Variants in BTG1 observed in about 807,000 individuals in gnomAD.
BTG1 encodes the protein protein BTG1.
In BTG1, 2 loss-of-function variants were observed where a neutral mutation model predicts 15.2. That is an observed-to-expected ratio of 0.13 (90% CI 0.05 to 0.41). The LOEUF is 0.41. Ranked by LOEUF, BTG1 falls within the 10% of genes least tolerant of loss-of-function variation. The probability of loss-of-function intolerance (pLI) is 0.99; values close to 1 mark genes in which losing one functional copy is unlikely to be tolerated. For missense variants in BTG1, 149 were observed against 215.0 expected (o/e 0.69, Z 1.92); for synonymous variants, 109 against 82.4 (o/e 1.32, Z -1.75).
In BTG1 at chr12:92,143,546, A is replaced by G. The variant is rs767770478; in HGVS notation, c.*534T>C. On this transcript the variant is annotated 3_prime_UTR_variant, in exon 2 of 2. Transcript: ENST00000256015. ...CAAAAACACAATACAAGGTCTGACC[A>G]TTTCCCCAGGTCATGCTTACTAGTT... 4.3e-6 allele frequency: 1 copy of G among 235,110 alleles called. No homozygotes were observed. The highest frequency in any genetic ancestry group is 8.4e-6 in the Non-Finnish European group (1 of 119,060). The allele number at this position is 235,110 out of a possible 1,614,324, so 14.6% of individuals were successfully genotyped here.
chr12:92,143,140 A>G lies in BTG1; in HGVS notation c.*940T>C. The stretch of plus-strand genomic sequence containing the variant: ...AAGAGATTGATTAAAATGCCAAGAT[A>G]AGAAACGATTTATTATAGAGAGAAG... On this transcript the variant is annotated 3_prime_UTR_variant, in exon 2 of 2. Coordinates refer to ENST00000256015, the MANE Select transcript of BTG1 (RefSeq NM_001731.3). 4.3e-6 allele frequency: 1 copy of G among 232,894 alleles called. No individual in the cohort carries two copies. The highest frequency in any genetic ancestry group is 8.5e-6 in the Non-Finnish European group (1 of 117,698). 14.4% of individuals were successfully genotyped at this position (232,894 alleles called of 1,614,324 possible).
intron 1 of BTG1, 42 bp downstream of exon 1, chr12:92,145,346 G>A (rs1340887056): frequency 2.7e-6 from 4 of 1,501,040 alleles, no homozygotes; most frequent in African/African-American, 1.4e-5. Context: ...CTGACCCAGG[G>A]ATGTGGGGCC....
rs1197278141 is a variant in BTG1 at position 92,140,883 on chromosome 12, C to T, written c.*3197G>A. 8.6e-6 allele frequency: 2 copies of T among 232,450 alleles called. No individual in the cohort carries two copies. The highest frequency in any genetic ancestry group is 1.7e-5 in the Non-Finnish European group (2 of 117,672). 14.4% of individuals were successfully genotyped at this position (232,450 alleles called of 1,614,324 possible). A position where few individuals can be genotyped will look rare whatever the true frequency, so the allele number is the denominator to read the frequency against. ...GACAAATGTTCTCCATATAGCCTAT[C>T]AAGAGGATTTTATCACATCATTTGA... On this transcript the variant is annotated 3_prime_UTR_variant, in exon 2 of 2. Transcript: ENST00000256015.
rs1311994745 is a variant in BTG1, at chr12:92,143,768, C to CTT, written c.*310_*311dup. 3.2e-6 allele frequency: 1 copy of CTT among 309,448 alleles called. No individual in the cohort carries two copies. 19.2% of individuals were successfully genotyped at this position (309,448 alleles called of 1,614,324 possible). On this transcript the variant is annotated 3_prime_UTR_variant, in exon 2 of 2. Coordinates refer to ENST00000256015, the MANE Select transcript of BTG1 (RefSeq NM_001731.3). ...AAAGATTCTTTGAAATACAGATTTT[C>CTT]TTTAAAAGGATTGATGTAAAAATTT... is the stretch of plus-strand genomic sequence containing the variant.
At position 92,144,201 on chromosome 12, in the gene BTG1, C is replaced by T; in HGVS notation, c.395G>A (p.Gly132Asp). 2 of 1,614,188 alleles carry T rather than the reference C, an allele frequency of 1.2e-6. No individual in the cohort carries two copies. ...CVLYEASPAG[G>D]STQNSTNVQM... ...CACGTTGGTGCTGTTTTGAGTGCTA[C>T]CTCCTGCTGGTGAGGCTTCATACAG... The change falls in exon 2 of 2, where the codon GGT becomes GAT. Residue 132 changes from glycine to aspartate, a missense_variant. This residue lies in a region of BTG1 where 52 missense variants were observed against 57.4 expected (regional missense o/e 0.91). Coordinates refer to ENST00000256015, the MANE Select transcript of BTG1 (RefSeq NM_001731.3).
rs892023513 is a variant in BTG1, at chr12:92,142,197, G to C, written c.*1883C>G. 1 of 232,020 alleles carries C rather than the reference G, an allele frequency of 4.3e-6. No homozygotes were observed. The highest frequency in any genetic ancestry group is 2.2e-5 in the African/African-American group (1 of 45,268). The allele number at this position is 232,020 out of a possible 1,614,324, so 14.4% of individuals were successfully genotyped here. A position where few individuals can be genotyped will look rare whatever the true frequency, so the allele number is the denominator to read the frequency against. ...TGTACTCTAAATACCTGCATATTCA[G>C]TGGCCTATTCCTGTGTTGTCTACAA... On this transcript the variant is annotated 3_prime_UTR_variant, in exon 2 of 2. Transcript: ENST00000256015.
rs1190360247 is a variant in BTG1, at chr12:92,143,611, A to G, written c.*469T>C. The G allele has an allele frequency of 7.0e-5, 17 of 243,058 alleles. 1 individual carries two copies. The highest frequency in any genetic ancestry group is 1.7e-4 in the Admixed American group (3 of 17,956). 15.1% of individuals were successfully genotyped at this position (243,058 alleles called of 1,614,324 possible). ...TTTATACATATTTAAGTGCTAGGTA[A>G]AAGTCTTGTAAAATTTCCAGTACTA... is the stretch of plus-strand genomic sequence containing the variant. On this transcript the variant is annotated 3_prime_UTR_variant, in exon 2 of 2. Transcript: ENST00000256015.
rs1243298083 is a variant in BTG1, at chr12:92,141,933, A to G, written c.*2147T>C. 2 of 232,322 alleles carry G rather than the reference A, an allele frequency of 8.6e-6. No individual in the cohort carries two copies. The highest frequency in any genetic ancestry group is 1.7e-5 in the Non-Finnish European group (2 of 117,544). The allele number at this position is 232,322 out of a possible 1,614,324, so 14.4% of individuals were successfully genotyped here. A position where few individuals can be genotyped will look rare whatever the true frequency, so the allele number is the denominator to read the frequency against. On this transcript the variant is annotated 3_prime_UTR_variant, in exon 2 of 2. Coordinates refer to ENST00000256015, the MANE Select transcript of BTG1 (RefSeq NM_001731.3). ...AAAATGGTTGAGGTACTTAGTTTCAATGGAGTTACCAGATGAAATGTAGTT... is the reference window on the plus strand; with the variant it reads ...AAAATGGTTGAGGTACTTAGTTTCAGTGGAGTTACCAGATGAAATGTAGTT...
Position 92,143,672 on chromosome 12 carries a change from T to C in BTG1, c.*408A>G, listed in dbSNP as rs542192832. 7.7e-6 allele frequency: 2 copies of C among 258,696 alleles called. No homozygotes were observed. The highest frequency in any genetic ancestry group is 2.1e-4 in the South Asian group (2 of 9,714). The allele number at this position is 258,696 out of a possible 1,614,324, so 16.0% of individuals were successfully genotyped here. Reference sequence around the variant, plus strand: ...AACGTTTAACTTTCCTATTAAAAGCTGCCGAAAAGGTTAACAATAACAACT... The same window carrying C: ...AACGTTTAACTTTCCTATTAAAAGCCGCCGAAAAGGTTAACAATAACAACT... On this transcript the variant is annotated 3_prime_UTR_variant, in exon 2 of 2. Coordinates refer to ENST00000256015, the MANE Select transcript of BTG1 (RefSeq NM_001731.3).
At position 92,142,220 on chromosome 12, in the gene BTG1, C is replaced by T. The variant is rs1565853697; in HGVS notation, c.*1860G>A. 1 of 231,610 alleles carries T rather than the reference C, an allele frequency of 4.3e-6. No homozygotes were observed. Among genetic ancestry groups the T allele is most frequent in the Non-Finnish European group, 8.5e-6 (1 of 117,142 alleles). 14.3% of individuals were successfully genotyped at this position (231,610 alleles called of 1,614,324 possible). On this transcript the variant is annotated 3_prime_UTR_variant, in exon 2 of 2. Transcript: ENST00000256015. Reference sequence around the variant, plus strand: ...CAGTGGCCTATTCCTGTGTTGTCTACAAAATCAGAATAATTTATTCCTGGG... The same window carrying T: ...CAGTGGCCTATTCCTGTGTTGTCTATAAAATCAGAATAATTTATTCCTGGG...
In BTG1 at chr12:92,141,298, A is replaced by G. The variant is rs530136086; in HGVS notation, c.*2782T>C. 7 of 232,712 alleles carry G rather than the reference A, an allele frequency of 3.0e-5. No homozygotes were observed. The highest frequency in any genetic ancestry group is 1.8e-4 in the South Asian group (1 of 5,508). The allele number at this position is 232,712 out of a possible 1,614,324, so 14.4% of individuals were successfully genotyped here. A position where few individuals can be genotyped will look rare whatever the true frequency, so the allele number is the denominator to read the frequency against. On this transcript the variant is annotated 3_prime_UTR_variant, in exon 2 of 2. Coordinates refer to ENST00000256015, the MANE Select transcript of BTG1 (RefSeq NM_001731.3). ...GTCTATTATTATAGAAATATTGCAC[A>G]TAAGGATAAAGACATGAGATTCCCA...
Position 92,145,635 on chromosome 12 carries a change from G to T in BTG1, c.-100C>A. 1.3e-6 allele frequency: 1 copy of T among 799,072 alleles called. No homozygotes were observed. The highest frequency in any genetic ancestry group is 5.3e-5 in the South Asian group (1 of 18,872). The allele number at this position is 799,072 out of a possible 1,614,324, so 49.5% of individuals were successfully genotyped here. ...GGGCTTCCTCACCGGGCGGAAGGCT[G>T]AGAGGAAGAGAGGGCGTGAGGGGCG... On this transcript the variant is annotated 5_prime_UTR_variant, in exon 1 of 2. Transcript: ENST00000256015.
In BTG1 at chr12:92,142,295, T is replaced by TAG. The variant is rs1217371963; in HGVS notation, c.*1784_*1785insCT. 8.7e-6 allele frequency: 2 copies of TAG among 230,820 alleles called. No homozygotes were observed. The highest frequency in any genetic ancestry group is 2.2e-5 in the African/African-American group (1 of 45,238). The allele number at this position is 230,820 out of a possible 1,614,324, so 14.3% of individuals were successfully genotyped here. On this transcript the variant is annotated 3_prime_UTR_variant, in exon 2 of 2. Transcript: ENST00000256015. The stretch of plus-strand genomic sequence containing the variant: ...ATTTGAGATTACTAATTTCAAGTAA[T>TAG]TACTAATTTTATTTCAGACTGCGTA...
chr12:92,142,938 G>C lies in BTG1; in HGVS notation c.*1142C>G, dbSNP rs989895372. 1.7e-5 allele frequency: 4 copies of C among 232,844 alleles called. No individual in the cohort carries two copies. The highest frequency in any genetic ancestry group is 3.4e-5 in the Non-Finnish European group (4 of 117,948). 14.4% of individuals were successfully genotyped at this position (232,844 alleles called of 1,614,324 possible). On this transcript the variant is annotated 3_prime_UTR_variant, in exon 2 of 2. Transcript: ENST00000256015. The stretch of plus-strand genomic sequence containing the variant: ...TGAATGTGTCCATGTTTTGACTTTA[G>C]AAATTTTTAAAACATGCTACTCCTG...
At chr12:92,145,361 T>A (rs1870516476) in intron 1 of BTG1, 27 bp downstream of exon 1, 1 of 1,522,792 alleles carries the variant, frequency 6.6e-7, no homozygotes, top group African/African-American at 1.4e-5. Context: ...GGGGCCCGCG[T>A]CCCTCCGACG....
rs946024866 is a variant in BTG1 at position 92,143,369 on chromosome 12, TAAG to T, written c.*708_*710del. 3.0e-5 allele frequency: 7 copies of T among 233,162 alleles called. No individual in the cohort carries two copies. Among genetic ancestry groups the T allele is most frequent in the Admixed American group, 1.1e-4 (2 of 17,786 alleles). 14.4% of individuals were successfully genotyped at this position (233,162 alleles called of 1,614,324 possible). ...AAACCAGACCTCCACTTTCTAAAAA[TAAG>T]AAGTTTACTCAGTCTTAGAAAACTA... is the stretch of plus-strand genomic sequence containing the variant. On this transcript the variant is annotated 3_prime_UTR_variant, in exon 2 of 2. Transcript: ENST00000256015.
chr12:92,142,998 G>A lies in BTG1; in HGVS notation c.*1082C>T, dbSNP rs1870349370. The A allele has an allele frequency of 4.3e-6, 1 of 232,944 alleles. No individual in the cohort carries two copies. The highest frequency in any genetic ancestry group is 6.1e-5 in the East Asian group (1 of 16,484). The allele number at this position is 232,944 out of a possible 1,614,324, so 14.4% of individuals were successfully genotyped here. On this transcript the variant is annotated 3_prime_UTR_variant, in exon 2 of 2. Coordinates refer to ENST00000256015, the MANE Select transcript of BTG1 (RefSeq NM_001731.3). The stretch of plus-strand genomic sequence containing the variant: ...TAAAACCTAAACATGTATATACAGA[G>A]CATCTTCATTCCTCATCAAATGTTT...
chr12:92,140,676 A>T lies in BTG1; in HGVS notation c.*3404T>A, dbSNP rs1870151163. On this transcript the variant is annotated 3_prime_UTR_variant, in exon 2 of 2. Coordinates refer to ENST00000256015, the MANE Select transcript of BTG1 (RefSeq NM_001731.3). ...TTGTGATACTGTTATATTAGTTCCAAATATGAAAATAAACCGGTTATATTT... is the reference window on the plus strand; with the variant it reads ...TTGTGATACTGTTATATTAGTTCCATATATGAAAATAAACCGGTTATATTT... The T allele has an allele frequency of 8.6e-6, 2 of 232,160 alleles. No individual in the cohort carries two copies. Among genetic ancestry groups the T allele is most frequent in the East Asian group, 1.2e-4 (2 of 16,386 alleles). The allele number at this position is 232,160 out of a possible 1,614,324, so 14.4% of individuals were successfully genotyped here.
intron 1 of BTG1, chr12:92,145,186 G>A (rs1565855678): frequency 4.2e-6 from 3 of 706,352 alleles, no homozygotes; most frequent in East Asian, 3.6e-5. Flanking sequence ...CAGCTGGGGG[G>A]AAGGGGGCGC....
Sources: gnomAD v4.1 joint callset for allele counts on GRCh38, gnomAD v4.1.1 for gene constraint, gnomAD v4.1.1 regional missense constraint, MANE v1.5 for transcripts, NCBI Gene and HGNC (gene_info 2026-07-23, HGNC 2026-07-21) for gene names.